The following ITGA4 variants were observed in gnomAD, a reference collection of about 807,000 sequenced individuals.
ITGA4 encodes the protein integrin alpha-4.
Under a neutral mutation model 133.6 loss-of-function variants are expected in ITGA4, and 63 were observed. That is an observed-to-expected ratio of 0.47 (90% confidence interval 0.38 to 0.58). The LOEUF (loss-of-function observed/expected upper bound fraction) is 0.58, where lower values mean the gene tolerates loss of function less well. ITGA4 is among the 20% of genes least tolerant of loss of function. ITGA4 has a pLI of 0.00. For missense variants in ITGA4, 1,076 were observed against 1,252.7 expected (o/e 0.86, Z 2.13); for synonymous variants, 483 against 438.0 (o/e 1.10, Z -1.28).
chr2:181,482,276 T>C, intron 7 of ITGA4, 84 bp from the exon 8 acceptor site: 1 of 1,341,302 alleles, frequency 7.5e-7, no homozygotes, highest in Non-Finnish European at 1.0e-6. Context: ...GTTGTAAAAA[T>C]TCATGTTTTG....
In ITGA4 at chr2:181,481,831, G is replaced by A. The variant is rs765506237; in HGVS notation, c.840+148G>A. 28 of 386,810 alleles carry A rather than the reference G, an allele frequency of 7.2e-5. No homozygotes were observed. The Middle Eastern group carries it at 2.1e-3, about 29-fold the overall frequency. The allele number at this position is 386,810 out of a possible 1,614,324, so 24.0% of individuals were successfully genotyped here. On this transcript the variant is annotated intron_variant, in intron 7 of 27. Coordinates refer to ENST00000397033, the MANE Select transcript of ITGA4 (RefSeq NM_000885.6). Reference sequence around the variant, plus strand: ...ATTACATTTAGTGGAATTGGTGAAAGATGTTATGGTTTTAGAAGAAATTTA... The same window carrying A: ...ATTACATTTAGTGGAATTGGTGAAAAATGTTATGGTTTTAGAAGAAATTTA...
At chr2:181,504,631 CAT>C (rs759252232) in intron 15 of ITGA4, among the ~76,000 whole-genome samples, 74 of 152,112 alleles carry the variant, frequency 4.9e-4, no homozygotes, top group Non-Finnish European at 9.0e-4. Context: ...ATTATTATAA[CAT>C]GTGAATTCTT....
rs758665315 is a variant in ITGA4 at position 181,538,530 on chromosome 2, G to A, written c.*3003G>A. Among the ~76,000 whole-genome samples, 2 of 152,066 alleles carry A rather than the reference G, an allele frequency of 1.3e-5. No homozygotes were observed. The highest frequency in any genetic ancestry group is 2.9e-5 in the Non-Finnish European group (2 of 68,016). ...ACACCCATGTCTAGTGGGCACCCCTGCATGCTTCTTCTAACCACTGAGTGT... is the reference window on the plus strand; with the variant it reads ...ACACCCATGTCTAGTGGGCACCCCTACATGCTTCTTCTAACCACTGAGTGT... On this transcript the variant is annotated 3_prime_UTR_variant, in exon 28 of 28. Coordinates refer to ENST00000397033, the MANE Select transcript of ITGA4 (RefSeq NM_000885.6).
chr2:181,478,762 G>T lies in ITGA4; in HGVS notation c.562G>T (p.Val188Leu). ...GTTTTAATATTTCATTTTAGATTATGTGAAAAAATTTGGAGAAAATTTTGC... is the reference window on the plus strand; with the variant it reads ...GTTTTAATATTTCATTTTAGATTATTTGAAAAAATTTGGAGAAAATTTTGC... ...KRIAPCYQDY[V>L]KKFGENFASC... The change falls in exon 5 of 28, where the codon GTG (valine) becomes TTG (leucine). Residue 188 changes from valine (V) to leucine (L), a missense_variant. By Grantham distance (32) the Val-to-Leu change is conservative (BLOSUM62 1). Coordinates refer to ENST00000397033, the MANE Select transcript of ITGA4 (RefSeq NM_000885.6). The T allele has an allele frequency of 7.1e-7, 1 of 1,399,566 alleles. No homozygotes were observed. The highest frequency in any genetic ancestry group is 9.7e-7 in the Non-Finnish European group (1 of 1,025,958). 86.7% of individuals were successfully genotyped at this position (1,399,566 alleles called of 1,614,324 possible).
intron 17 of ITGA4, among the ~76,000 whole-genome samples, chr2:181,518,279 A>ATTC (rs1686650671): frequency 6.6e-6 from 1 of 152,134 alleles, no homozygotes; most frequent in Admixed American, 6.6e-5. Context: ...GTTATTACAC[A>ATTC]TTCTTCCAGC....
intron 2 of ITGA4, among the ~76,000 whole-genome samples, chr2:181,472,630 T>C (rs983125072): frequency 6.6e-6 from 1 of 152,208 alleles, no homozygotes; most frequent in Admixed American, 6.5e-5. Context: ...CAGTAAACAA[T>C]TGATTTTAGT....
At position 181,475,047 on chromosome 2, in the gene ITGA4, G is replaced by C. The variant is rs904544405; in HGVS notation, c.407G>C (p.Gly136Ala). The C allele has an allele frequency of 6.2e-7, 1 of 1,614,018 alleles. No homozygotes were observed. The highest frequency in any genetic ancestry group is 8.5e-7 in the Non-Finnish European group (1 of 1,179,934). The change falls in exon 3 of 28, where the codon GGA (glycine) becomes GCA (alanine). Residue 136 changes from glycine to alanine, a missense_variant. Physicochemically the swap from Gly to Ala is moderately conservative, Grantham distance 60 (BLOSUM62 0). Coordinates refer to ENST00000397033, the MANE Select transcript of ITGA4 (RefSeq NM_000885.6). Reference protein sequence around the residue: ...WLGVTLSRQPGENGSIVTCGH... With the variant: ...WLGVTLSRQPAENGSIVTCGH... ...GGGGTCACACTTTCCAGACAGCCAGGAGAAAATGGATCCATCGTGGTAGGT... is the reference window on the plus strand; with the variant it reads ...GGGGTCACACTTTCCAGACAGCCAGCAGAAAATGGATCCATCGTGGTAGGT...
rs1351843351 is a variant in ITGA4, at chr2:181,472,782, T to C, written c.320-2178T>C. 2.6e-5 allele frequency among the ~76,000 whole-genome samples: 4 copies of C among 152,186 alleles called. No homozygotes were observed. The East Asian group carries it at 7.7e-4, about 29-fold the overall frequency. ...CCTTACCTATCTCCCACACACAATT[T>C]TTTTTCTCCTACCATCTTCCCTCTG... On this transcript the variant is annotated intron_variant, in intron 2 of 27. Coordinates refer to ENST00000397033, the MANE Select transcript of ITGA4 (RefSeq NM_000885.6).
In ITGA4 at chr2:181,457,926, C is replaced by G. The variant is rs767955328; in HGVS notation, c.197+75C>G. The G allele has an allele frequency of 4.6e-4, 636 of 1,373,744 alleles. 6 individuals are homozygous for G. Among genetic ancestry groups the G allele is most frequent in the South Asian group, 9.2e-4 (66 of 71,524 alleles). The allele number at this position is 1,373,744 out of a possible 1,614,324, so 85.1% of individuals were successfully genotyped here. ...AATGGCGCCCTAGGGATTCCCTGCC[C>G]GATTCAAACTTTCCTCCCTCCCAAG... On this transcript the variant is annotated intron_variant, in intron 1 of 27. Transcript: ENST00000397033.
At position 181,511,703 on chromosome 2, in the gene ITGA4, A is replaced by G. The variant is rs751000700; in HGVS notation, c.1850A>G (p.Asn617Ser). The change falls in exon 17 of 28, where the codon AAC (asparagine) becomes AGC (serine). Residue 617 changes from asparagine to serine, a missense_variant. Asn to Ser is a conservative substitution (Grantham distance 46). Around this residue, in one of 4 missense-constraint regions of ITGA4, gnomAD observed 365 missense variants for 421.4 expected, o/e 0.87. Transcript: ENST00000397033. Reference protein sequence around the residue: ...KEKDIMKKTINFARFCAHENC... With the variant: ...KEKDIMKKTISFARFCAHENC... The stretch of plus-strand genomic sequence containing the variant: ...ACGTTGTCTTTTTATTTCCAGATAA[A>G]CTTTGCAAGGTTTTGTGCCCATGAA... 3 of 1,567,676 alleles carry G rather than the reference A, an allele frequency of 1.9e-6. No individual in the cohort carries two copies. In the East Asian group the frequency reaches 6.7e-5, roughly 35 times the overall value.
intron 11 of ITGA4, among the ~76,000 whole-genome samples, chr2:181,494,086 A>G (rs1686111477): frequency 6.6e-6 from 1 of 152,208 alleles, no homozygotes; most frequent in African/African-American, 2.4e-5. Context: ...AAAAAAACTA[A>G]TTTTCTTAGC....
chr2:181,484,577 T>C (rs1395832357), intron 9 of ITGA4, among the ~76,000 whole-genome samples: 2 of 152,200 alleles, frequency 1.3e-5, no homozygotes, highest in East Asian at 3.8e-4. Flanking sequence ...TGATTATATT[T>C]ATAAAGATGA....
At chr2:181,475,367 T>G in intron 4 of ITGA4, 79 bp downstream of exon 4, 1 of 1,178,614 alleles carries the variant, frequency 8.5e-7, no homozygotes, top group Non-Finnish European at 1.2e-6. Context: ...ATGTTCAAGT[T>G]TAGATGTTCA....
rs530356799 is a variant in ITGA4, at chr2:181,463,420, G to A, written c.319+5103G>A. Among the ~76,000 whole-genome samples, 15 of 152,282 alleles carry A rather than the reference G, an allele frequency of 9.9e-5. No homozygotes were observed. In the South Asian group the frequency reaches 3.1e-3, roughly 32 times the overall value. ...ACTGAAGGCAATGAGGCAGTTGTAG[G>A]AAGATTTTGTTATAATTTAGACTAC... On this transcript the variant is annotated intron_variant, in intron 2 of 27. Coordinates refer to ENST00000397033, the MANE Select transcript of ITGA4 (RefSeq NM_000885.6).
chr2:181,535,598 T>A lies in ITGA4; in HGVS notation c.*71T>A. The A allele has an allele frequency of 6.6e-7, 1 of 1,504,034 alleles. No homozygotes were observed. Among genetic ancestry groups the A allele is most frequent in the South Asian group, 1.4e-5 (1 of 69,976 alleles). The allele number at this position is 1,504,034 out of a possible 1,614,324, so 93.2% of individuals were successfully genotyped here. ...GTAAAGAAATTTAAAAGACACTGTTTACAAGAAAAAATGAATTTTGTTTGG... is the reference window on the plus strand; with the variant it reads ...GTAAAGAAATTTAAAAGACACTGTTAACAAGAAAAAATGAATTTTGTTTGG... On this transcript the variant is annotated 3_prime_UTR_variant, in exon 28 of 28. Transcript: ENST00000397033.
rs1686785537 is a variant in ITGA4 at position 181,524,161 on chromosome 2, T to C, written c.2170-10T>C. ...TTTTTTAATGGGCTTTCCTGGTCTG[T>C]GTTTTACAGATAGATATTAGCTTTC... On this transcript the variant is annotated splice_polypyrimidine_tract_variant and intron_variant, in intron 19 of 27. Coordinates refer to ENST00000397033, the MANE Select transcript of ITGA4 (RefSeq NM_000885.6). 1 of 1,576,542 alleles carries C rather than the reference T, an allele frequency of 6.3e-7. No homozygotes were observed. Among genetic ancestry groups the C allele is most frequent in the East Asian group, 2.3e-5 (1 of 44,082 alleles).
intron 2 of ITGA4, among the ~76,000 whole-genome samples, chr2:181,463,476 C>T (rs1685336782): frequency 2.0e-5 from 3 of 151,952 alleles, no homozygotes; most frequent in South Asian, 2.1e-4. Context: ...AGGACACTGG[C>T]AATAGCAGTG....
chr2:181,458,256 G>A lies in ITGA4; in HGVS notation c.258G>A (p.Gly86=), dbSNP rs1685181496. 6.2e-7 allele frequency: 1 copy of A among 1,613,628 alleles called. No homozygotes were observed. The highest frequency in any genetic ancestry group is 1.3e-5 in the African/African-American group (1 of 75,032). ...WLANASVINP[G]AIYRCRIGKN... ...CCAACGCTTCAGTGATCAATCCCGG[G>A]GCGATTTACAGATGCAGGATCGGAA... is the stretch of plus-strand genomic sequence containing the variant. The change falls in exon 2 of 28, where the codon GGG becomes GGA. Residue 86 remains glycine, a synonymous_variant. Coordinates refer to ENST00000397033, the MANE Select transcript of ITGA4 (RefSeq NM_000885.6).
At chr2:181,496,901 A>G (rs943602484) in intron 14 of ITGA4, among the ~76,000 whole-genome samples, 6 of 152,190 alleles carry the variant, frequency 3.9e-5, no homozygotes, top group Non-Finnish European at 7.3e-5. Context: ...TACTTATTAA[A>G]TAATGCCATG....
Sources: allele counts gnomAD v4.1 joint callset (sites outside exome capture counted in the v4.1 genomes callset), GRCh38; gene constraint gnomAD v4.1.1; regional missense constraint gnomAD v4.1.1; transcripts MANE v1.5; gene names NCBI Gene and HGNC (gene_info 2026-07-23, HGNC 2026-07-21).